The following BSPH1 variants were observed in gnomAD, a reference collection of about 807,000 sequenced individuals.
The protein encoded by BSPH1 is binder of sperm 1.
A neutral mutation model predicts 22.5 loss-of-function variants in BSPH1; 21 were observed. The observed-to-expected ratio is 0.93, with a 90% CI of 0.66 to 1.35. The LOEUF is 1.35. Ranked by LOEUF, BSPH1 falls within the 40% of genes most tolerant of loss-of-function variation. The probability of loss-of-function intolerance (pLI) is 0.00; values close to 1 mark genes in which losing one functional copy is unlikely to be tolerated. For synonymous variants in BSPH1, 42 were observed against 53.6 expected (o/e 0.78, Z 0.95); for missense variants, 141 against 154.2 (o/e 0.91, Z 0.45).
chr19:47,969,684 G>GGGGGGAGAGAGAGA (rs1162877914), intron 5 of BSPH1, among the ~76,000 whole-genome samples: 2 of 113,858 alleles, frequency 1.8e-5, no homozygotes, highest in African/African-American at 4.1e-5. Context: ...AGGGAGAGGG[G>GGGGGGAGAGAGAGA]GAGAGAGAGA....
At chr19:47,985,438 T>C (rs1969461699) in intron 1 of BSPH1, among the ~76,000 whole-genome samples, 1 of 152,180 alleles carries the variant, frequency 6.6e-6, no homozygotes, top group African/African-American at 2.4e-5. Flanking sequence ...AAGACAAAGA[T>C]TCTCAGACAA....
intron 1 of BSPH1, among the ~76,000 whole-genome samples, chr19:47,983,002 G>A (rs945561549): frequency 1.3e-5 from 2 of 152,152 alleles, no homozygotes; most frequent in African/African-American, 4.8e-5. Flanking sequence ...GTTTCAGTTT[G>A]GGACAATGAA....
At chr19:47,972,997 C>A (rs999421893) in intron 5 of BSPH1, among the ~76,000 whole-genome samples, 1 of 151,684 alleles carries the variant, frequency 6.6e-6, no homozygotes, top group African/African-American at 2.4e-5. Context: ...GCGGGTGGAT[C>A]ACGAGGTCAG....
chr19:47,977,802 T>G (rs1489867349), intron 3 of BSPH1: 2 of 381,074 alleles, frequency 5.2e-6, no homozygotes, highest in East Asian at 1.6e-4. Flanking sequence ...ATGTGGGCAT[T>G]TATCTACCCA....
intron 5 of BSPH1, 39 bp downstream of exon 5, chr19:47,976,671 G>C: frequency 6.7e-7 from 1 of 1,494,954 alleles, no homozygotes; most frequent in Non-Finnish European, 9.0e-7. Flanking sequence ...CAAGGAGAAT[G>C]ATTAAACGTC....
intron 3 of BSPH1, among the ~76,000 whole-genome samples, chr19:47,978,931 G>T (rs1435538717): frequency 1.3e-5 from 2 of 152,204 alleles, no homozygotes; most frequent in African/African-American, 2.4e-5. Flanking sequence ...GATCGATGAT[G>T]AAATAAATCA....
intron 5 of BSPH1, among the ~76,000 whole-genome samples, chr19:47,973,399 G>C (rs191073323): frequency 6.6e-6 from 1 of 151,882 alleles, no homozygotes. Flanking sequence ...TCACCAGCAC[G>C]CTCAATTAAT....
intron 5 of BSPH1, among the ~76,000 whole-genome samples, chr19:47,974,269 C>CTCTCTCTCTTT (rs57733472): frequency 1.3e-5 from 1 of 76,000 alleles, no homozygotes; most frequent in African/African-American, 5.4e-5. Context: ...CTCTCTCTCT[C>CTCTCTCTCTTT]TTTTTTTTTT....
chr19:47,988,742 T>C (rs1600093790), intron 1 of BSPH1, among the ~76,000 whole-genome samples: 1 of 151,948 alleles, frequency 6.6e-6, no homozygotes, highest in African/African-American at 2.4e-5. Flanking sequence ...GCACGAAGCA[T>C]GTCCGGGTCT....
intron 1 of BSPH1, among the ~76,000 whole-genome samples, chr19:47,985,145 T>C (rs996408014): frequency 2.9e-4 from 44 of 151,972 alleles, no homozygotes; most frequent in Non-Finnish European, 1.2e-4. Flanking sequence ...TGGCTTCAAT[T>C]GAATCCCAAA....
intron 1 of BSPH1, among the ~76,000 whole-genome samples, chr19:47,983,186 C>A (rs569278000): frequency 8.5e-5 from 13 of 152,252 alleles, no homozygotes; most frequent in Middle Eastern, 3.4e-3. Flanking sequence ...ATGTGCCCAG[C>A]CTAGTGCTAG....
chr19:47,969,921 GTGAGAGAGAGACTTTAGAATTTATGTTTC>G (rs1460092351), intron 5 of BSPH1, among the ~76,000 whole-genome samples: 1 of 149,890 alleles, frequency 6.7e-6, no homozygotes, highest in African/African-American at 2.5e-5. Flanking sequence ...ATTTATGTTT[GTGAGAGAGAGACTTTAGAATTTATGTTTC>G]TGAGAGAGAC....
rs567167324 is a variant in BSPH1, at chr19:47,973,442, C to G, written c.*2+3268G>C. 2.0e-5 allele frequency among the ~76,000 whole-genome samples: 3 copies of G among 152,108 alleles called. 1 individual carries two copies. The South Asian group carries it at 6.2e-4, about 32-fold the overall frequency. ...AGGACAACTCATCCATCTCTGTGGT[C>G]CTTCCACCTCCATGGGGATCCATAT... On this transcript the variant is annotated intron_variant, in intron 5 of 5. Coordinates refer to ENST00000344839, the MANE Select transcript of BSPH1 (RefSeq NM_001128326.2).
At chr19:47,986,036 C>T (rs1357204285) in intron 1 of BSPH1, among the ~76,000 whole-genome samples, 1 of 152,076 alleles carries the variant, frequency 6.6e-6, no homozygotes, top group Non-Finnish European at 1.5e-5. Flanking sequence ...TTCTTCCAAG[C>T]TACGGAGCCC....
At chr19:47,973,261 A>G (rs949160771) in intron 5 of BSPH1, among the ~76,000 whole-genome samples, 57 of 145,942 alleles carry the variant, frequency 3.9e-4, no homozygotes, top group East Asian at 1.2e-3. Context: ...TAATAATAAT[A>G]ATGTAGGCAG....
At chr19:47,974,597 C>T (rs1018697693) in intron 5 of BSPH1, among the ~76,000 whole-genome samples, 1 of 151,694 alleles carries the variant, frequency 6.6e-6, no homozygotes, top group Non-Finnish European at 1.5e-5. Context: ...ACCCTCTCTC[C>T]TCCCTCCTTT....
chr19:47,984,281 T>C (rs1969448572), intron 1 of BSPH1, among the ~76,000 whole-genome samples: 1 of 150,164 alleles, frequency 6.7e-6, no homozygotes, highest in Non-Finnish European at 1.5e-5. Flanking sequence ...AAAATTAATA[T>C]AGTCCTAGAA....
chr19:47,974,326 A>G (rs1173076864), intron 5 of BSPH1, among the ~76,000 whole-genome samples: 2 of 142,534 alleles, frequency 1.4e-5, no homozygotes, highest in South Asian at 2.2e-4. Context: ...CTGGAGTGCA[A>G]TGGCACGATC....
At chr19:47,978,419 T>C (rs908080127) in intron 3 of BSPH1, among the ~76,000 whole-genome samples, 2 of 152,194 alleles carry the variant, frequency 1.3e-5, no homozygotes, top group East Asian at 3.8e-4. Flanking sequence ...TTCTTTCTAA[T>C]GCTGATTCAT....
Sources: allele counts gnomAD v4.1 joint callset (sites outside exome capture counted in the v4.1 genomes callset), GRCh38; gene constraint gnomAD v4.1.1; transcripts MANE v1.5; gene names NCBI Gene and HGNC (gene_info 2026-07-23, HGNC 2026-07-21).